CFHR2: variants seen among roughly 807,000 people sequenced by gnomAD.
The protein encoded by CFHR2 is complement factor H related 2.
Under a neutral mutation model 21.7 loss-of-function variants are expected in CFHR2, and 22 were observed. The observed-to-expected ratio is 1.01, with a 90% confidence interval of 0.72 to 1.45. The LOEUF (loss-of-function observed/expected upper bound fraction) is 1.45. Ranked by LOEUF, CFHR2 falls within the 40% of genes most tolerant of loss-of-function variation. CFHR2 has a pLI of 0.00. For missense variants in CFHR2, 294 were observed against 293.3 expected (o/e 1.00, Z -0.02); for synonymous variants, 98 against 97.4 (o/e 1.01, Z -0.04).
At chr1:196,954,625 C>A (rs1314826160) in intron 3 of CFHR2, among the ~76,000 whole-genome samples, 1 of 152,126 alleles carries the variant, frequency 6.6e-6, no homozygotes, top group Non-Finnish European at 1.5e-5. Context: ...CCTGAACATG[C>A]AGAAGTTTCC....
intron 1 of CFHR2, among the ~76,000 whole-genome samples, chr1:196,947,864 G>T (rs1182493572): frequency 6.6e-6 from 1 of 152,030 alleles, no homozygotes; most frequent in African/African-American, 2.4e-5. Context: ...ATGAACTTTG[G>T]GTGATAATTA....
intron 3 of CFHR2, among the ~76,000 whole-genome samples, chr1:196,957,431 A>G (rs1405321733): frequency 6.6e-6 from 1 of 150,812 alleles, no homozygotes; most frequent in Non-Finnish European, 1.5e-5. Flanking sequence ...TCATTTTGCC[A>G]ATACCAAGAA....
intron 3 of CFHR2, among the ~76,000 whole-genome samples, chr1:196,956,091 C>A (rs892727955): frequency 6.6e-6 from 1 of 152,102 alleles, no homozygotes; most frequent in Non-Finnish European, 1.5e-5. Context: ...GATCCAACCA[C>A]CCCCCACCAG....
intron 3 of CFHR2, among the ~76,000 whole-genome samples, chr1:196,952,379 G>A (rs1457918490): frequency 6.6e-6 from 1 of 150,582 alleles, no homozygotes; most frequent in African/African-American, 2.5e-5. Flanking sequence ...ATTACTAGGG[G>A]ATTAAACATT....
Position 196,950,848 on chromosome 1 carries a change from T to C in CFHR2, c.254-4T>C, listed in dbSNP as rs1175016384. On this transcript the variant is annotated splice_polypyrimidine_tract_variant and splice_region_variant and intron_variant, in intron 2 of 4. Transcript: ENST00000367415. ...TTGTCTATTAATCTGTTTTTGGTCT[T>C]TAGGACTGTGTTTCTTTCCTTTTGT... 3.7e-6 allele frequency: 6 copies of C among 1,613,028 alleles called. No individual in the cohort carries two copies. The highest frequency in any genetic ancestry group is 5.1e-6 in the Non-Finnish European group (6 of 1,179,808).
intron 1 of CFHR2, among the ~76,000 whole-genome samples, chr1:196,945,970 C>A (rs1237343146): frequency 6.6e-6 from 1 of 151,762 alleles, no homozygotes; most frequent in African/African-American, 2.4e-5. Flanking sequence ...TCCTAGGCTG[C>A]AAACCTGTAC....
chr1:196,958,091 C>T lies in CFHR2; in HGVS notation c.613+18C>T. The T allele has an allele frequency of 6.2e-7, 1 of 1,607,846 alleles. No individual in the cohort carries two copies. The highest frequency in any genetic ancestry group is 8.5e-7 in the Non-Finnish European group (1 of 1,174,764). ...ATGCTTAGGTAAGTACTTTAATATT[C>T]TCATGGATTCTGGAAAAATCAGTGT... On this transcript the variant is annotated intron_variant, in intron 4 of 4. Transcript: ENST00000367415.
chr1:196,946,801 A>C (rs1240169265), intron 1 of CFHR2, among the ~76,000 whole-genome samples: 1 of 152,224 alleles, frequency 6.6e-6, no homozygotes, highest in Non-Finnish European at 1.5e-5. Flanking sequence ...TAACCAGTAG[A>C]AGAAGTTAAC....
At position 196,958,934 on chromosome 1, in the gene CFHR2, T is replaced by C. The variant is rs758236770; in HGVS notation, c.667T>C (p.Trp223Arg). 6 of 1,603,138 alleles carry C rather than the reference T, an allele frequency of 3.7e-6. No homozygotes were observed. The highest frequency in any genetic ancestry group is 5.1e-6 in the Non-Finnish European group (6 of 1,171,090). The change falls in exon 5 of 5, where the codon TGG becomes CGG. Residue 223 changes from tryptophan (W) to arginine (R), a missense_variant. Physicochemically the swap from Trp to Arg is moderately radical, Grantham distance 101. Coordinates refer to ENST00000367415, the MANE Select transcript of CFHR2 (RefSeq NM_005666.4). ...IMEKYNIKLK[W>R]TNQQKLYSRT... ...GGAAAAATATAACATAAAATTAAAG[T>C]GGACAAACCAACAAAAGCTTTATTC... is the stretch of plus-strand genomic sequence containing the variant.
rs1359594 is a variant in CFHR2 at position 196,958,298 on chromosome 1, T to G, written c.613+225T>G. Among the ~76,000 whole-genome samples the G allele has an allele frequency of 0.65, 98,245 of 151,756 alleles. 33,213 individuals are homozygous for G. Among genetic ancestry groups the G allele is most frequent in the East Asian group, 0.89 (4,605 of 5,172 alleles). On this transcript the variant is annotated intron_variant, in intron 4 of 4. Transcript: ENST00000367415. ...ATAAATAAAAAGAATACATATTTAT[T>G]TTCTACAACATGTTGATTTGATATA...
rs536802131 is a variant in CFHR2 at position 196,946,697 on chromosome 1, A to T, written c.59-2758A>T. Among the ~76,000 whole-genome samples, 174 of 152,292 alleles carry T rather than the reference A, an allele frequency of 1.1e-3. 1 individual carries two copies. The highest frequency in any genetic ancestry group is 3.7e-3 in the Admixed American group (56 of 15,296). ...ATCTTCAGGGCAGTAACAGGCATGG[A>T]GCTGTCCTCTCCTATGATAACAAAG... On this transcript the variant is annotated intron_variant, in intron 1 of 4. Coordinates refer to ENST00000367415, the MANE Select transcript of CFHR2 (RefSeq NM_005666.4).
At position 196,957,877 on chromosome 1, in the gene CFHR2, T is replaced by C; in HGVS notation, c.431-14T>C. The C allele has an allele frequency of 6.2e-7, 1 of 1,607,202 alleles. No homozygotes were observed. Among genetic ancestry groups the C allele is most frequent in the Non-Finnish European group, 8.5e-7 (1 of 1,176,068 alleles). On this transcript the variant is annotated splice_polypyrimidine_tract_variant and intron_variant, in intron 3 of 4. Transcript: ENST00000367415. ...TTATTTACTCTCCCAGTAAATCAAA[T>C]GATGTTTTTTTAGTTTCTGCAGAAA...
In CFHR2 at chr1:196,950,771, T is replaced by C. The variant is rs531803772; in HGVS notation, c.254-81T>C. On this transcript the variant is annotated intron_variant, in intron 2 of 4. Transcript: ENST00000367415. Reference sequence around the variant, plus strand: ...TACCAGCTTGAGCCACTTCACCCTATTTATTAAAATATTTTAAAATGCAGT... The same window carrying C: ...TACCAGCTTGAGCCACTTCACCCTACTTATTAAAATATTTTAAAATGCAGT... The C allele has an allele frequency of 8.0e-6, 12 of 1,502,436 alleles. No individual in the cohort carries two copies. The African/African-American group carries it at 9.7e-5, about 12-fold the overall frequency. 93.1% of individuals were successfully genotyped at this position (1,502,436 alleles called of 1,614,324 possible).
chr1:196,946,979 T>G (rs553979405), intron 1 of CFHR2, among the ~76,000 whole-genome samples: 26 of 152,256 alleles, frequency 1.7e-4, no homozygotes, highest in Non-Finnish European at 2.9e-4. Flanking sequence ...AACATGTGAG[T>G]AATATATTAC....
chr1:196,958,840 A>G (rs780705443), intron 4 of CFHR2, 41 bp from the exon 5 acceptor site: 43 of 1,292,864 alleles, frequency 3.3e-5, no homozygotes, highest in South Asian at 1.0e-4. Flanking sequence ...GAAGATTTGC[A>G]TACTACTTAA....
At chr1:196,958,172 C>A in intron 4 of CFHR2, 99 bp downstream of exon 4, 3 of 1,255,840 alleles carry the variant, frequency 2.4e-6, no homozygotes, top group Non-Finnish European at 2.3e-6. Flanking sequence ...AACAAACAAG[C>A]ATTCTGCTGA....
intron 3 of CFHR2, among the ~76,000 whole-genome samples, chr1:196,955,400 C>T (rs1360641418): frequency 6.6e-6 from 1 of 152,110 alleles, no homozygotes; most frequent in Non-Finnish European, 1.5e-5. Flanking sequence ...TCTTCTGAGC[C>T]CCCTAAGCTG....
intron 1 of CFHR2, among the ~76,000 whole-genome samples, chr1:196,947,129 A>G (rs565247728): frequency 6.1e-5 from 9 of 148,638 alleles, no homozygotes; most frequent in Admixed American, 2.7e-4. Context: ...GTATATATGT[A>G]TGTGTGTGTG....
chr1:196,944,325 G>C (rs1331312112), intron 1 of CFHR2, among the ~76,000 whole-genome samples: 10 of 150,914 alleles, frequency 6.6e-5, no homozygotes, highest in African/African-American at 2.5e-4. Context: ...TTGGATTTTA[G>C]TTTCCTAGAT....
Sources: allele counts gnomAD v4.1 joint callset (sites outside exome capture counted in the v4.1 genomes callset), GRCh38; gene constraint gnomAD v4.1.1; transcripts MANE v1.5; gene names NCBI Gene and HGNC (gene_info 2026-07-23, HGNC 2026-07-21).